KAT7: variants seen among roughly 807,000 people sequenced by gnomAD.
KAT7 encodes the protein histone acetyltransferase KAT7.
A neutral mutation model predicts 82.1 loss-of-function variants in KAT7; 10 were observed. The ratio of observed to expected loss-of-function variants is 0.12; its 90% CI spans 0.08 to 0.21. The LOEUF is 0.21. KAT7 is among the 10% of genes least tolerant of loss of function. KAT7 has a pLI of 1.00. For missense variants in KAT7, 378 were observed against 760.9 expected, an observed-to-expected ratio of 0.50 and a Z score of 5.92; for synonymous variants, 250 against 262.5, an observed-to-expected ratio of 0.95 and a Z score of 0.46.
Position 49,831,074 on chromosome 17 carries a change from G to A in KAT7, c.*3572G>A, listed in dbSNP as rs373242940. 6.6e-6 allele frequency: 1 copy of A among 152,270 alleles called. No homozygotes were observed. Among genetic ancestry groups the A allele is most frequent in the Admixed American group, 6.5e-5 (1 of 15,284 alleles). The allele number at this position is 152,270 out of a possible 1,614,324, so 9.4% of individuals were successfully genotyped here. On this transcript the variant is annotated 3_prime_UTR_variant, in exon 15 of 15. Transcript: ENST00000259021. ...AGGCGGGCAGATCGCTTGAGTCCAGGAATTCGAGACTAGCCTGGGCAGCAT... is the reference window on the plus strand; with the variant it reads ...AGGCGGGCAGATCGCTTGAGTCCAGAAATTCGAGACTAGCCTGGGCAGCAT...
At chr17:49,800,402 C>T (rs764483540) in intron 4 of KAT7, among the ~76,000 whole-genome samples, 20 of 151,970 alleles carry the variant, frequency 1.3e-4, no homozygotes, top group Admixed American at 3.3e-4. Context: ...AGTTGTCACT[C>T]GAAGATAATT....
chr17:49,830,045 T>C lies in KAT7; in HGVS notation c.*2543T>C, dbSNP rs1298331528. The C allele has an allele frequency of 6.6e-6, 1 of 151,952 alleles. No homozygotes were observed. Among genetic ancestry groups the C allele is most frequent in the East Asian group, 1.9e-4 (1 of 5,180 alleles). The allele number at this position is 151,952 out of a possible 1,614,324, so 9.4% of individuals were successfully genotyped here. Reference sequence around the variant, plus strand: ...GGTGCCTGTCACCATGCCCAGCTAATTTTTGTATTTTTAGTAGAGACAGGG... The same window carrying C: ...GGTGCCTGTCACCATGCCCAGCTAACTTTTGTATTTTTAGTAGAGACAGGG... On this transcript the variant is annotated 3_prime_UTR_variant, in exon 15 of 15. Coordinates refer to ENST00000259021, the MANE Select transcript of KAT7 (RefSeq NM_007067.5).
intron 4 of KAT7, 64 bp downstream of exon 4, chr17:49,798,622 A>G (rs980485424): frequency 4.6e-6 from 7 of 1,514,140 alleles, no homozygotes; most frequent in African/African-American, 2.8e-5. Flanking sequence ...GATCATCCAG[A>G]AATGTTTTGT....
At chr17:49,808,268 C>T (rs984796835) in intron 5 of KAT7, among the ~76,000 whole-genome samples, 8 of 151,048 alleles carry the variant, frequency 5.3e-5, no homozygotes, top group East Asian at 2.0e-4. Context: ...TACAGGTGTG[C>T]GCCACCACGC....
chr17:49,813,360 C>CT (rs2074193771), intron 7 of KAT7, among the ~76,000 whole-genome samples: 1 of 152,050 alleles, frequency 6.6e-6, no homozygotes, highest in African/African-American at 2.4e-5. Flanking sequence ...TGATTTCATT[C>CT]TTTTTTATGG....
At position 49,827,526 on chromosome 17, in the gene KAT7, C is replaced by G; in HGVS notation, c.*24C>G. The G allele has an allele frequency of 7.4e-7, 1 of 1,358,776 alleles. No individual in the cohort carries two copies. Among genetic ancestry groups the G allele is most frequent in the Non-Finnish European group, 1.1e-6 (1 of 948,048 alleles). The allele number at this position is 1,358,776 out of a possible 1,614,324, so 84.2% of individuals were successfully genotyped here. ...AAAGTGACCTGTCATTCCGAGCCAG[C>G]GAACCCCAGCAGTAGGAATCCGTAC... On this transcript the variant is annotated 3_prime_UTR_variant, in exon 15 of 15. Transcript: ENST00000259021.
At chr17:49,814,521 T>C (rs1003570785) in intron 7 of KAT7, among the ~76,000 whole-genome samples, 2 of 152,228 alleles carry the variant, frequency 1.3e-5, no homozygotes, top group Non-Finnish European at 2.9e-5. Flanking sequence ...ATATTTCCCA[T>C]ATTTTATATA....
intron 1 of KAT7, chr17:49,789,661 A>G (rs1229395754): frequency 1.3e-5 from 2 of 152,230 alleles, no homozygotes; most frequent in Non-Finnish European, 2.9e-5. Flanking sequence ...ACTCAATTCA[A>G]CAAATGTCTA....
intron 11 of KAT7, among the ~76,000 whole-genome samples, chr17:49,822,377 G>T (rs576283812): frequency 1.3e-5 from 2 of 152,056 alleles, no homozygotes; most frequent in South Asian, 4.2e-4. Context: ...ACAGGCGCCT[G>T]CCACCACGCC....
chr17:49,820,854 G>A (rs1487734497), intron 9 of KAT7, among the ~76,000 whole-genome samples: 1 of 151,290 alleles, frequency 6.6e-6, no homozygotes, highest in East Asian at 1.9e-4. Flanking sequence ...ACAGGTAGTG[G>A]TACATGGTTT....
rs2074362320 is a variant in KAT7, at chr17:49,825,812, A to G, written c.1481-188A>G. On this transcript the variant is annotated intron_variant, in intron 12 of 14. Transcript: ENST00000259021. ...TCCTGTGTCATGTAAATGCAAATAC[A>G]CATTCTTCCCCTTTTGTTTATACAA... 2.0e-5 allele frequency among the ~76,000 whole-genome samples: 3 copies of G among 152,232 alleles called. No individual in the cohort carries two copies. In the South Asian group the frequency reaches 6.2e-4, roughly 32 times the overall value.
chr17:49,799,023 T>A (rs1418025259), intron 4 of KAT7, among the ~76,000 whole-genome samples: 2 of 152,228 alleles, frequency 1.3e-5, no homozygotes, highest in African/African-American at 4.8e-5. Flanking sequence ...CTTCTGTAAC[T>A]TTAGTAGCTT....
rs574461947 is a variant in KAT7, at chr17:49,804,741, C to G, written c.581-622C>G. ...TGAGCCATGGTTGCACCACTGCATTCCAGCCTAGGTGACATAAAAAAATTT... is the reference window on the plus strand; with the variant it reads ...TGAGCCATGGTTGCACCACTGCATTGCAGCCTAGGTGACATAAAAAAATTT... On this transcript the variant is annotated intron_variant, in intron 4 of 14. Transcript: ENST00000259021. 2.0e-5 allele frequency among the ~76,000 whole-genome samples: 3 copies of G among 152,236 alleles called. No individual in the cohort carries two copies. In the South Asian group the frequency reaches 6.2e-4, roughly 32 times the overall value.
chr17:49,796,194 G>A (rs1011825812), intron 2 of KAT7, among the ~76,000 whole-genome samples: 4 of 151,828 alleles, frequency 2.6e-5, no homozygotes, highest in Admixed American at 2.6e-4. Flanking sequence ...GCCAGAGAGG[G>A]TAATAAGAAA....
chr17:49,793,561 T>C (rs950528168), intron 2 of KAT7, among the ~76,000 whole-genome samples: 1 of 151,940 alleles, frequency 6.6e-6, no homozygotes, highest in African/African-American at 2.4e-5. Flanking sequence ...TTCAACAGTG[T>C]TGCTTTGGTT....
chr17:49,790,871 G>A (rs575440878), intron 1 of KAT7, among the ~76,000 whole-genome samples: 2 of 152,214 alleles, frequency 1.3e-5, no homozygotes, highest in Admixed American at 6.5e-5. Context: ...TCTTTGTATT[G>A]TTTTCAGTAA....
At chr17:49,812,378 C>A (rs1051222048) in intron 7 of KAT7, among the ~76,000 whole-genome samples, 10 of 151,762 alleles carry the variant, frequency 6.6e-5, no homozygotes, top group African/African-American at 2.2e-4. Context: ...ACATGTGCCA[C>A]CACGCCCAGC....
rs2143899984 is a variant in KAT7, at chr17:49,805,394, C to T, written c.612C>T (p.Phe204=). The change falls in exon 5 of 15, where the codon TTC becomes TTT. Residue 204 remains phenylalanine (F), a synonymous_variant. Transcript: ENST00000259021. ...TTACAGGAAAACATGAGAGACATTTCTCCATCTCAGGATGCCCACTGTATC... is the reference window on the plus strand; with the variant it reads ...TTACAGGAAAACATGAGAGACATTTTTCCATCTCAGGATGCCCACTGTATC... ...GHLTGKHERH[F]SISGCPLYHN... 6.2e-7 allele frequency: 1 copy of T among 1,612,840 alleles called. No individual in the cohort carries two copies. The highest frequency in any genetic ancestry group is 1.1e-5 in the South Asian group (1 of 91,024).
At chr17:49,825,565 T>C (rs1330687711) in intron 12 of KAT7, among the ~76,000 whole-genome samples, 3 of 152,250 alleles carry the variant, frequency 2.0e-5, no homozygotes, top group African/African-American at 7.2e-5. Context: ...CAATAAGATA[T>C]TTTGAGAGAC....
Sources: gnomAD v4.1 joint callset for allele counts (sites outside exome capture counted in the v4.1 genomes callset) on GRCh38, gnomAD v4.1.1 for gene constraint, MANE v1.5 for transcripts, NCBI Gene and HGNC (gene_info 2026-07-23, HGNC 2026-07-21) for gene names.